The following SYNDIG1L variants were observed in gnomAD, a reference collection of about 807,000 sequenced individuals.
SYNDIG1L encodes the protein synapse differentiation inducing 1 like.
Under a neutral mutation model 20.1 loss-of-function variants are expected in SYNDIG1L, and 13 were observed. The ratio of observed to expected loss-of-function variants is 0.65; its 90% confidence interval spans 0.42 to 1.03. The LOEUF (loss-of-function observed/expected upper bound fraction) is 1.03. SYNDIG1L is among the 50% of genes least tolerant of loss of function. The pLI, the probability that SYNDIG1L is intolerant of heterozygous loss-of-function variation, is 0.00. For missense variants in SYNDIG1L, 294 were observed against 305.1 expected, an observed-to-expected ratio of 0.96 and a Z score of 0.27; for synonymous variants, 128 against 129.3, an observed-to-expected ratio of 0.99 and a Z score of 0.07.
chr14:74,467,540 T>C, the SYNDIG1L span, among the ~76,000 whole-genome samples: 13 of 152,328 alleles, frequency 8.5e-5, no homozygotes, highest in African/African-American at 2.6e-4. Context: ...TGAAATTGCC[T>C]TTTGCAGGAG....
chr14:74,451,108 A>T, the SYNDIG1L span, among the ~76,000 whole-genome samples: 2 of 152,178 alleles, frequency 1.3e-5, no homozygotes, highest in East Asian at 3.8e-4. Context: ...AAAGACATAG[A>T]CTAGCCAAAA....
chr14:74,423,277 G>A (rs998342767), intron 1 of SYNDIG1L, among the ~76,000 whole-genome samples: 1 of 152,190 alleles, frequency 6.6e-6, no homozygotes, highest in African/African-American at 2.4e-5. Flanking sequence ...TCTGGGAGTG[G>A]GGTGTCCACC....
the SYNDIG1L span, among the ~76,000 whole-genome samples, chr14:74,450,855 A>G: frequency 6.6e-6 from 1 of 152,214 alleles, no homozygotes; most frequent in Non-Finnish European, 1.5e-5. Context: ...CAACTAAGAT[A>G]TAGAAATGAC....
chr14:74,437,850 G>A, the SYNDIG1L span, among the ~76,000 whole-genome samples: 13 of 152,148 alleles, frequency 8.5e-5, no homozygotes, highest in South Asian at 2.1e-4. Flanking sequence ...GGGCTGTTTT[G>A]CTATCCATGG....
upstream of SYNDIG1L, among the ~76,000 whole-genome samples, chr14:74,427,268 T>A (rs2086274389): frequency 6.6e-6 from 1 of 152,072 alleles, no homozygotes; most frequent in South Asian, 2.1e-4. Flanking sequence ...TGAAGGTAAG[T>A]GTGGGTTTGC....
intron 1 of SYNDIG1L, among the ~76,000 whole-genome samples, chr14:74,423,807 G>A (rs774966520): frequency 3.9e-5 from 6 of 151,984 alleles, no homozygotes; most frequent in Non-Finnish European, 7.4e-5. Flanking sequence ...GCCAGGCAGG[G>A]TCCCTGGTAG....
chr14:74,440,593 G>C, the SYNDIG1L span, among the ~76,000 whole-genome samples: 1 of 150,980 alleles, frequency 6.6e-6, no homozygotes, highest in Non-Finnish European at 1.5e-5. Context: ...GCTAAGGCAG[G>C]AGAATGGCGT....
At chr14:74,456,117 G>A in the SYNDIG1L span, among the ~76,000 whole-genome samples, 25 of 152,200 alleles carry the variant, frequency 1.6e-4, no homozygotes, top group African/African-American at 6.0e-4. Flanking sequence ...AGGAAAGAGT[G>A]AGGGCCTGGC....
chr14:74,432,337 A>G, the SYNDIG1L span, among the ~76,000 whole-genome samples: 1 of 152,230 alleles, frequency 6.6e-6, no homozygotes, highest in Middle Eastern at 3.4e-3. Context: ...GCAAACACAT[A>G]TTTGGTTTCA....
chr14:74,430,539 G>A (rs2086295515), upstream of SYNDIG1L, among the ~76,000 whole-genome samples: 1 of 150,930 alleles, frequency 6.6e-6, no homozygotes, highest in African/African-American at 2.4e-5. Flanking sequence ...AGGTTCAAGC[G>A]ATTCTCCTGC....
the SYNDIG1L span, among the ~76,000 whole-genome samples, chr14:74,431,277 C>G: frequency 6.6e-6 from 1 of 152,076 alleles, no homozygotes; most frequent in Non-Finnish European, 1.5e-5. Flanking sequence ...GTGTTTGCCC[C>G]AAGAATGGCT....
chr14:74,469,630 C>T, the SYNDIG1L span, among the ~76,000 whole-genome samples: 4 of 152,182 alleles, frequency 2.6e-5, no homozygotes, highest in South Asian at 2.1e-4. Flanking sequence ...CATCACCTGT[C>T]GCCTGAAGGG....
chr14:74,463,802 CA>C, the SYNDIG1L span, among the ~76,000 whole-genome samples: 1 of 152,112 alleles, frequency 6.6e-6, no homozygotes, highest in Non-Finnish European at 1.5e-5. Flanking sequence ...ATGACAGATC[CA>C]GGTTAGGGAA....
At chr14:74,425,568 CA>C (rs2086257707) in intron 1 of SYNDIG1L, among the ~76,000 whole-genome samples, 1 of 152,170 alleles carries the variant, frequency 6.6e-6, no homozygotes, top group Non-Finnish European at 1.5e-5. Context: ...GCTAGTGTCG[CA>C]AAACCTTGGT....
the SYNDIG1L span, chr14:74,474,294 T>C: frequency 0.23 from 34,387 of 152,128 alleles, 4,317 homozygotes; most frequent in African/African-American, 0.33. Context: ...GAAATTTCTC[T>C]GTTACCCACC....
At chr14:74,409,235 C>A in intron 2 of SYNDIG1L, 93 bp downstream of exon 2, 1 of 987,268 alleles carries the variant, frequency 1.0e-6, no homozygotes, top group Non-Finnish European at 1.5e-6. Flanking sequence ...CATGCCACCA[C>A]GCCAGGCTAA....
chr14:74,407,516 A>T lies in SYNDIG1L; in HGVS notation c.*19T>A. The T allele has an allele frequency of 6.2e-7, 1 of 1,613,128 alleles. No homozygotes were observed. On this transcript the variant is annotated 3_prime_UTR_variant, in exon 4 of 4. Transcript: ENST00000331628. ...TCCTCAGGTGGGCAGGGGAGTCAGG[A>T]TGCAGGCCCTACTGGCTACTAGCCA...
chr14:74,476,720 C>T, the SYNDIG1L span: 1 of 658,016 alleles, frequency 1.5e-6, no homozygotes, highest in African/African-American at 1.8e-5. Context: ...CTCCTGGTCT[C>T]CACCCTCCCC....
intron 1 of SYNDIG1L, among the ~76,000 whole-genome samples, chr14:74,419,989 C>G (rs1251652685): frequency 6.6e-6 from 1 of 151,968 alleles, no homozygotes; most frequent in East Asian, 1.9e-4. Flanking sequence ...CAGGGAAGTT[C>G]TATGGTCATG....
Sources: allele counts gnomAD v4.1 joint callset (sites outside exome capture counted in the v4.1 genomes callset), GRCh38; gene constraint gnomAD v4.1.1; transcripts MANE v1.5; gene names NCBI Gene and HGNC (gene_info 2026-07-23, HGNC 2026-07-21).